Variants in CYFIP1 observed in about 807,000 individuals in gnomAD.
CYFIP1 encodes cytoplasmic FMR1-interacting protein 1.
In CYFIP1, 58 loss-of-function variants were observed where a neutral mutation model predicts 163.5. The observed-to-expected ratio is 0.35, with a 90% confidence interval of 0.29 to 0.44. The LOEUF (loss-of-function observed/expected upper bound fraction) is 0.44. CYFIP1 is among the 20% of genes least tolerant of loss of function. The pLI, the probability that CYFIP1 is intolerant of heterozygous loss-of-function variation, is 1.00. For missense variants in CYFIP1, 1,338 were observed against 1,653.8 expected (o/e 0.81, Z 3.31); for synonymous variants, 663 against 660.7 (o/e 1.00, Z -0.05).
At chr15:22,894,282 T>TC (rs1157314731) in intron 22 of CYFIP1, among the ~76,000 whole-genome samples, 231 of 137,182 alleles carry the variant, frequency 1.7e-3, no homozygotes, top group African/African-American at 6.0e-3. Flanking sequence ...ACTTTTCTTT[T>TC]TTTTTTTTTT....
Position 22,872,949 on chromosome 15 carries a change from T to G in CYFIP1, c.3473A>C (p.His1158Pro). 6.2e-7 allele frequency: 1 copy of G among 1,613,996 alleles called. No individual in the cohort carries two copies. Among genetic ancestry groups the G allele is most frequent in the South Asian group, 1.1e-5 (1 of 91,072 alleles). ...TACGATGATCATACAGCCAGCCCAG[T>G]GTAGCCCATCACCAAAGCACTGCCT... ...TVEQCFGDGL[H>P]WAGCMIIVLL... Residue 1158 changes from histidine to proline, a missense_variant, in exon 30 of 31, where the codon CAC (histidine) becomes CCC (proline). His to Pro is a moderately conservative substitution (Grantham distance 77). Around this residue, in one of 4 missense-constraint regions of CYFIP1, gnomAD observed 306 missense variants for 322.1 expected, o/e 0.95. Transcript: ENST00000617928.
intron 6 of CYFIP1, among the ~76,000 whole-genome samples, chr15:22,940,652 C>T (rs1049022773): frequency 1.3e-5 from 2 of 152,220 alleles, no homozygotes; most frequent in African/African-American, 4.8e-5. Flanking sequence ...AAACTGCAAT[C>T]TTTTTAAAGC....
chr15:22,974,523 T>C (rs2063203250), intron 1 of CYFIP1, among the ~76,000 whole-genome samples: 1 of 151,964 alleles, frequency 6.6e-6, no homozygotes, highest in East Asian at 1.9e-4. Context: ...AGGCCAGGAG[T>C]TCGAGACCAG....
intron 23 of CYFIP1, among the ~76,000 whole-genome samples, chr15:22,885,805 C>T (rs1363751064): frequency 6.6e-6 from 1 of 152,140 alleles, no homozygotes; most frequent in East Asian, 1.9e-4. Flanking sequence ...CATCTTCCCG[C>T]CTTCTTTGGA....
intron 12 of CYFIP1, 103 bp from the exon 13 acceptor site, chr15:22,926,210 C>T: frequency 6.5e-7 from 1 of 1,533,688 alleles, no homozygotes; most frequent in Non-Finnish European, 8.9e-7. Context: ...AGCCTTCAAA[C>T]CTTTGCTGCA....
In CYFIP1 at chr15:22,926,032, G is replaced by A. The variant is rs776466670; in HGVS notation, c.1309C>T (p.Arg437Cys). 7 of 1,614,080 alleles carry A rather than the reference G, an allele frequency of 4.3e-6. No homozygotes were observed. The African/African-American group carries it at 5.3e-5, about 12-fold the overall frequency. The change falls in exon 13 of 31, where the codon CGT (arginine) becomes TGT (cysteine). Residue 437 changes from arginine to cysteine, a missense_variant. Physicochemically the swap from Arg to Cys is radical, Grantham distance 180. Around this residue, in one of 4 missense-constraint regions of CYFIP1, gnomAD observed 824 missense variants for 995.7 expected, o/e 0.83. Transcript: ENST00000617928. ...CTGGTGTAGTTGTAGCGCGTGGCAC[G>A]CTCGTACTCTTCAGCGCTGTCGGGG... ...DCPDSAEEYERATRYNYTSEE... is the reference protein window; with the variant it reads ...DCPDSAEEYECATRYNYTSEE...
intron 1 of CYFIP1, among the ~76,000 whole-genome samples, chr15:22,952,162 CAT>C (rs1038675856): frequency 6.6e-5 from 10 of 152,106 alleles, no homozygotes; most frequent in African/African-American, 2.2e-4. Flanking sequence ...TGATTCCACT[CAT>C]ATAAATTACC....
chr15:22,943,053 G>A (rs2061942419), intron 6 of CYFIP1, 120 bp downstream of exon 6: 9 of 894,450 alleles, frequency 1.0e-5, no homozygotes, highest in African/African-American at 1.7e-5. Flanking sequence ...CTGAGACGTA[G>A]CTGCTGCCTA....
chr15:22,940,116 G>C (rs1055534034), intron 6 of CYFIP1, among the ~76,000 whole-genome samples: 7 of 152,190 alleles, frequency 4.6e-5, no homozygotes, highest in Admixed American at 3.9e-4. Context: ...GGTGAAGGTG[G>C]GGGTGTGAGG....
intron 17 of CYFIP1, among the ~76,000 whole-genome samples, chr15:22,913,083 C>A (rs527639993): frequency 6.6e-6 from 1 of 152,176 alleles, no homozygotes; most frequent in Admixed American, 6.5e-5. Context: ...GTAGTCCCAG[C>A]TACTCAGGAG....
At chr15:22,897,732 T>C (rs1435806388) in intron 22 of CYFIP1, among the ~76,000 whole-genome samples, 1 of 152,136 alleles carries the variant, frequency 6.6e-6, no homozygotes, top group African/African-American at 2.4e-5. Context: ...GATTTGCCTG[T>C]CTTGGCCTCC....
At position 22,917,322 on chromosome 15, in the gene CYFIP1, G is replaced by A. The variant is rs113350590; in HGVS notation, c.1674+466C>T. The A allele has an allele frequency of 3.1e-6, 4 of 1,308,036 alleles. No homozygotes were observed. In the African/African-American group the frequency reaches 4.5e-5, roughly 15 times the overall value. The allele number at this position is 1,308,036 out of a possible 1,614,324, so 81.0% of individuals were successfully genotyped here. A position where few individuals can be genotyped will look rare whatever the true frequency, so the allele number is the denominator to read the frequency against. ...GGTGTGGATTAAACCGGGTGTGAAA[G>A]TCGTGAGAAGCACCTCGGGGAGGCC... is the stretch of plus-strand genomic sequence containing the variant. On this transcript the variant is annotated intron_variant, in intron 15 of 30. Coordinates refer to ENST00000617928, the MANE Select transcript of CYFIP1 (RefSeq NM_014608.6). The surrounding 1 kb of genome is among the most constrained non-coding windows in gnomAD (Gnocchi z 4.2).
intron 1 of CYFIP1, among the ~76,000 whole-genome samples, chr15:22,974,433 A>T (rs1221332564): frequency 6.6e-6 from 1 of 152,150 alleles, no homozygotes; most frequent in African/African-American, 2.4e-5. Flanking sequence ...AATTAAAATT[A>T]AAAAAACAAA....
chr15:22,885,822 C>T (rs915437342), intron 23 of CYFIP1, among the ~76,000 whole-genome samples: 1 of 152,118 alleles, frequency 6.6e-6, no homozygotes, highest in African/African-American at 2.4e-5. Flanking sequence ...TGGAGCCCTC[C>T]GAACTGTTCC....
chr15:22,894,220 A>G (rs1438859520), intron 22 of CYFIP1, among the ~76,000 whole-genome samples: 2 of 151,568 alleles, frequency 1.3e-5, no homozygotes, highest in Admixed American at 1.3e-4. Context: ...CAGAGTAAAA[A>G]TCCATGCAGG....
intron 16 of CYFIP1, 31 bp from the exon 17 acceptor site, chr15:22,914,913 TCCCG>T (rs1349917705): frequency 3.2e-6 from 5 of 1,576,282 alleles, no homozygotes; most frequent in South Asian, 2.3e-5. Flanking sequence ...CCATGTTATC[TCCCG>T]CAAGCAAAAA....
At chr15:22,875,379 T>A in intron 26 of CYFIP1, 108 bp from the exon 27 acceptor site, 1 of 906,596 alleles carries the variant, frequency 1.1e-6, no homozygotes, top group Non-Finnish European at 1.8e-6. Context: ...ATAAACTCTG[T>A]AAGTTTATTT....
At chr15:22,932,171 C>T (rs780943234) in intron 11 of CYFIP1, 52 bp downstream of exon 11, 13 of 1,360,274 alleles carry the variant, frequency 9.6e-6, no homozygotes, top group Admixed American at 2.1e-5. Context: ...TGGGTGCAAA[C>T]ACACACAGGC....
intron 10 of CYFIP1, 92 bp downstream of exon 10, chr15:22,933,710 G>A: frequency 1.1e-6 from 1 of 891,450 alleles, no homozygotes; most frequent in Non-Finnish European, 1.8e-6. Context: ...TGTTAACAGT[G>A]TTATCTCTAG....
Sources: allele counts gnomAD v4.1 joint callset (sites outside exome capture counted in the v4.1 genomes callset), GRCh38; gene constraint gnomAD v4.1.1; regional missense constraint gnomAD v4.1.1; non-coding constraint Gnocchi (gnomAD v3.1); transcripts MANE v1.5; gene names NCBI Gene and HGNC (gene_info 2026-07-23, HGNC 2026-07-21).